The following KIF14 variants were observed in gnomAD, a reference collection of about 807,000 sequenced individuals.
The protein encoded by KIF14 is kinesin family member 14.
KIF14 carries 98 observed loss-of-function variants against 176.2 expected under a neutral mutation model. The observed-to-expected ratio is 0.56, with a 90% CI of 0.47 to 0.66. The LOEUF is 0.66. Among genes scored for constraint, KIF14 ranks in the 30% least tolerant of loss-of-function variants. KIF14 has a pLI of 0.00. For missense variants in KIF14, 1,751 were observed against 1,920.4 expected (o/e 0.91, Z 1.65); for synonymous variants, 566 against 632.2 (o/e 0.90, Z 1.57).
At chr1:200,554,665 C>T (rs895960302) in intron 28 of KIF14, 59 bp from the exon 29 acceptor site, 2 of 852,232 alleles carry the variant, frequency 2.3e-6, no homozygotes, top group African/African-American at 1.8e-5. Context: ...GGCAGTAAGG[C>T]TCAGTCAATA....
At chr1:200,584,272 G>A (rs927287681) in intron 19 of KIF14, among the ~76,000 whole-genome samples, 8 of 149,142 alleles carry the variant, frequency 5.4e-5, no homozygotes, top group East Asian at 2.0e-4. Context: ...GAAGTCTACC[G>A]AACAATTAAA....
chr1:200,594,922 TTCTGATCCCTTTCC>T (rs1659251674), intron 14 of KIF14, among the ~76,000 whole-genome samples: 1 of 152,234 alleles, frequency 6.6e-6, no homozygotes. Flanking sequence ...TGTGTACTTG[TTCTGATCCCTTTCC>T]TCTCCTAATT....
intron 25 of KIF14, 81 bp from the exon 26 acceptor site, chr1:200,560,961 C>A: frequency 7.8e-7 from 1 of 1,288,056 alleles, no homozygotes; most frequent in Non-Finnish European, 1.1e-6. Context: ...CCGGGCACAG[C>A]GGCTCACGCC....
chr1:200,558,067 T>C (rs1006571041), intron 27 of KIF14, among the ~76,000 whole-genome samples: 5 of 152,240 alleles, frequency 3.3e-5, no homozygotes, highest in African/African-American at 1.2e-4. Context: ...GTGATACTCC[T>C]GCCTCAGCCT....
rs145793903 is a variant in KIF14, at chr1:200,601,953, G to A, written c.2095C>T (p.Arg699Cys). Residue 699 changes from arginine to cysteine, a missense_variant, in exon 11 of 30, where the codon CGT becomes TGT. Arg to Cys is a radical substitution (Grantham distance 180). Coordinates refer to ENST00000367350, the MANE Select transcript of KIF14 (RefSeq NM_014875.3). ...ACTTTAGCAATGTTGACTATTAAAC[G>A]GGCTTGGTTAGCATATCTAAGTGTG... ...LSTLRYANQARLIVNIAKVNE... is the reference protein window; with the variant it reads ...LSTLRYANQACLIVNIAKVNE... 118 of 1,612,816 alleles carry A rather than the reference G, an allele frequency of 7.3e-5. 1 individual carries two copies. The highest frequency in any genetic ancestry group is 9.3e-5 in the Non-Finnish European group (110 of 1,179,342).
intron 27 of KIF14, among the ~76,000 whole-genome samples, chr1:200,558,675 A>G (rs1656966980): frequency 6.6e-6 from 1 of 152,240 alleles, no homozygotes; most frequent in Non-Finnish European, 1.5e-5. Context: ...GAGGAAATTA[A>G]TCAGTAAATA....
At chr1:200,586,993 T>A (rs749645004) in intron 18 of KIF14, among the ~76,000 whole-genome samples, 1 of 152,130 alleles carries the variant, frequency 6.6e-6, no homozygotes, top group Admixed American at 6.6e-5. Context: ...TAGAGTGGTA[T>A]AATGCAGCGG....
At chr1:200,605,738 C>A in intron 7 of KIF14, 126 bp downstream of exon 7, 1 of 603,608 alleles carries the variant, frequency 1.7e-6, no homozygotes, top group Non-Finnish European at 2.8e-6. Flanking sequence ...TTAACAAAAT[C>A]GGTTTGTGAT....
rs542490276 is a variant in KIF14, at chr1:200,584,154, G to A, written c.3241+1947C>T. On this transcript the variant is annotated intron_variant, in intron 19 of 29. Coordinates refer to ENST00000367350, the MANE Select transcript of KIF14 (RefSeq NM_014875.3). Reference sequence around the variant, plus strand: ...AATCACTTGAACCCGGGAGGCGGAGGTTGCAGTAAGCTGAGATCGTGCCAC... The same window carrying A: ...AATCACTTGAACCCGGGAGGCGGAGATTGCAGTAAGCTGAGATCGTGCCAC... Among the ~76,000 whole-genome samples the A allele has an allele frequency of 6.1e-5, 9 of 147,378 alleles. No homozygotes were observed. In the South Asian group the frequency reaches 1.9e-3, roughly 32 times the overall value.
rs138081242 is a variant in KIF14 at position 200,602,028 on chromosome 1, T to C, written c.2020A>G (p.Met674Val). ...ESLGGNSKTA[M>V]IATISPAASN... is the part of the protein sequence containing the mutation. ...GCAGCGGGACTAATCGTAGCAATCA[T>C]TGCAGTTTTTGAATTTCCACCCAGA... Residue 674 changes from methionine (M) to valine (V), a missense_variant, in exon 11 of 30, where the codon ATG (methionine) becomes GTG (valine). Physicochemically the swap from Met to Val is conservative, Grantham distance 21 (BLOSUM62 1). Coordinates refer to ENST00000367350, the MANE Select transcript of KIF14 (RefSeq NM_014875.3). The C allele has an allele frequency of 6.8e-6, 11 of 1,613,548 alleles. No individual in the cohort carries two copies. Among genetic ancestry groups the C allele is most frequent in the East Asian group, 4.5e-5 (2 of 44,854 alleles).
chr1:200,553,654 T>C lies in KIF14; in HGVS notation c.4681A>G (p.Ser1561Gly). 6.2e-7 allele frequency: 1 copy of C among 1,614,072 alleles called. No individual in the cohort carries two copies. Residue 1561 changes from serine (S) to glycine (G), a missense_variant, in exon 30 of 30, where the codon AGT becomes GGT. Transcript: ENST00000367350. ...TGGTGGACAATGTGAGTTACTCTAC[T>C]CTCATAGCTGCCAACAGAAGTAGAA... ...VPSTSVGSYE[S>G]RVTHIVHQEL...
Position 200,592,097 on chromosome 1 carries a change from G to A in KIF14, c.2796C>T (p.Leu932=). Residue 932 remains leucine, a synonymous_variant, in exon 16 of 30, where the codon CTC becomes CTT. Transcript: ENST00000367350. ...KDFEFAKNEL[L]MAQRSQLEAE... is the part of the protein sequence containing the mutation. ...ATACTTACTGTGATCTCTGTGCCAT[G>A]AGCAACTCATTTTTTGCAAATTCAA... 2.5e-6 allele frequency: 4 copies of A among 1,613,034 alleles called. No individual in the cohort carries two copies. The highest frequency in any genetic ancestry group is 1.7e-4 in the Middle Eastern group (1 of 6,052).
intron 25 of KIF14, among the ~76,000 whole-genome samples, chr1:200,561,755 T>C (rs1485304968): frequency 1.3e-5 from 2 of 152,062 alleles, no homozygotes; most frequent in Non-Finnish European, 2.9e-5. Context: ...CATAAGTAAG[T>C]ACAAAATTAA....
intron 13 of KIF14, 46 bp from the exon 14 acceptor site, chr1:200,598,467 A>C: frequency 6.8e-7 from 1 of 1,469,092 alleles, no homozygotes; most frequent in East Asian, 2.3e-5. Context: ...ACAGTATGAA[A>C]TTGTTAAATT....
intron 21 of KIF14, among the ~76,000 whole-genome samples, chr1:200,578,033 T>C (rs1199987082): frequency 6.6e-6 from 1 of 152,060 alleles, no homozygotes; most frequent in Non-Finnish European, 1.5e-5. Context: ...AAGTCAACTT[T>C]CATAATTTAT....
At chr1:200,555,349 A>T in intron 28 of KIF14, 31 bp downstream of exon 28, 2 of 1,379,538 alleles carry the variant, frequency 1.4e-6, no homozygotes, top group Non-Finnish European at 2.0e-6. Context: ...AAAAATAAGC[A>T]AAATTAAAAT....
intron 22 of KIF14, among the ~76,000 whole-genome samples, chr1:200,573,503 G>A (rs936863567): frequency 6.6e-5 from 9 of 137,342 alleles, no homozygotes; most frequent in Middle Eastern, 4.2e-3. Context: ...GCGCAATCTC[G>A]GCTCACTGCA....
chr1:200,557,795 G>A (rs968660272), intron 27 of KIF14, among the ~76,000 whole-genome samples: 4 of 152,098 alleles, frequency 2.6e-5, no homozygotes, highest in Non-Finnish European at 5.9e-5. Flanking sequence ...CAGAGGGACA[G>A]AAGCCAATAG....
Position 200,618,039 on chromosome 1 carries a change from C to A in KIF14, c.685G>T (p.Val229Phe), listed in dbSNP as rs377722529. 2.6e-5 allele frequency: 42 copies of A among 1,614,188 alleles called. No individual in the cohort carries two copies. The highest frequency in any genetic ancestry group is 3.6e-5 in the Non-Finnish European group (42 of 1,180,024). The part of the protein sequence containing the change: ...PPIASLSQTE[V>F]VRSGHLTTKP... ...GTTGTCAAGTGTCCTGATCTAACAACTTCAGTCTGACTCAGGGAAGCAATG... is the reference window on the plus strand; with the variant it reads ...GTTGTCAAGTGTCCTGATCTAACAAATTCAGTCTGACTCAGGGAAGCAATG... Residue 229 changes from valine to phenylalanine, a missense_variant, in exon 2 of 30, where the codon GTT becomes TTT. Transcript: ENST00000367350.
Sources: allele counts gnomAD v4.1 joint callset (sites outside exome capture counted in the v4.1 genomes callset), GRCh38; gene constraint gnomAD v4.1.1; transcripts MANE v1.5; gene names NCBI Gene and HGNC (gene_info 2026-07-23, HGNC 2026-07-21).